Variants in CADM1 observed in about 807,000 individuals in gnomAD.
CADM1 encodes cell adhesion molecule 1.
In CADM1, 15 loss-of-function variants were observed where a neutral mutation model predicts 53.1. That is an observed-to-expected ratio of 0.28 (90% CI 0.19 to 0.44). The LOEUF (loss-of-function observed/expected upper bound fraction) is 0.44. Ranked by LOEUF, CADM1 falls within the 20% of genes least tolerant of loss-of-function variation. The pLI, the probability that CADM1 is intolerant of heterozygous loss-of-function variation, is 1.00. For missense variants in CADM1, 434 were observed against 611.3 expected (o/e 0.71, Z 3.06); for synonymous variants, 281 against 243.0 (o/e 1.16, Z -1.45).
intron 1 of CADM1, among the ~76,000 whole-genome samples, chr11:115,351,358 G>A (rs1487405924): frequency 1.3e-5 from 2 of 152,144 alleles, no homozygotes; most frequent in East Asian, 1.9e-4. Context: ...CGACAAATCT[G>A]ACAACAAAAG....
chr11:115,404,545 GAA>G (rs1292564962), intron 1 of CADM1, among the ~76,000 whole-genome samples: 2 of 148,152 alleles, frequency 1.3e-5, no homozygotes, highest in African/African-American at 5.0e-5. Flanking sequence ...AACCATAAAG[GAA>G]AAGATTGAGT....
chr11:115,494,031 T>A (rs1417051424), intron 1 of CADM1, among the ~76,000 whole-genome samples: 2 of 152,096 alleles, frequency 1.3e-5, no homozygotes, highest in Non-Finnish European at 2.9e-5. Flanking sequence ...CCCAGGAAAA[T>A]GTCTTTATTC....
Position 115,384,038 on chromosome 11 carries a change from G to A in CADM1, c.124+120233C>T, listed in dbSNP as rs761468268. Among the ~76,000 whole-genome samples the A allele has an allele frequency of 5.3e-5, 8 of 152,020 alleles. 1 individual carries two copies. The highest frequency in any genetic ancestry group is 4.1e-4 in the South Asian group (2 of 4,820). Reference sequence around the variant, plus strand: ...ACTGCCACTAAATCGGCAGACCAACGTGATGAGCACTGCCATCAATATGGC... The same window carrying A: ...ACTGCCACTAAATCGGCAGACCAACATGATGAGCACTGCCATCAATATGGC... On this transcript the variant is annotated intron_variant, in intron 1 of 11. Transcript: ENST00000331581.
intron 1 of CADM1, 63 bp downstream of exon 1, chr11:115,504,208 T>G: frequency 6.4e-7 from 1 of 1,552,070 alleles, no homozygotes; most frequent in African/African-American, 1.4e-5. Flanking sequence ...CCCCCCTCTG[T>G]GGCCAAGGCT....
intron 1 of CADM1, among the ~76,000 whole-genome samples, chr11:115,394,322 T>C (rs994274495): frequency 6.6e-6 from 1 of 152,228 alleles, no homozygotes; most frequent in East Asian, 1.9e-4. Context: ...ACTTTTCTTT[T>C]AAGCTCAAAT....
In CADM1 at chr11:115,209,655, G is replaced by A. The variant is rs768937947; in HGVS notation, c.997C>T (p.Pro333Ser). 1.2e-6 allele frequency: 2 copies of A among 1,612,418 alleles called. No homozygotes were observed. Among genetic ancestry groups the A allele is most frequent in the Admixed American group, 1.7e-5 (1 of 59,932 alleles). Residue 333 changes from proline (P) to serine (S), a missense_variant and splice_region_variant, in exon 8 of 12, where the codon CCC becomes TCC. Coordinates refer to ENST00000331581, the MANE Select transcript of CADM1 (RefSeq NM_001301043.2). ...HSDYMLYVYD[P>S]PTTIPPPTTT... is the part of the protein sequence containing the mutation. ...GTGGGAGGAGGGATAGTTGTGGGGG[G>A]ATCTGGATAGAAAAAAAAAGGAAAA...
intron 1 of CADM1, among the ~76,000 whole-genome samples, chr11:115,402,050 G>GAA (rs1228011729): frequency 6.6e-6 from 1 of 151,910 alleles, no homozygotes; most frequent in Non-Finnish European, 1.5e-5. Context: ...TAAAGTTAGA[G>GAA]AAAAGGCAGA....
At position 115,169,783 on chromosome 11, in the gene CADM1, C is replaced by T. The variant is rs145736682; in HGVS notation, c.*6691G>A. The T allele has an allele frequency of 3.1e-6, 1 of 320,076 alleles. No individual in the cohort carries two copies. Among genetic ancestry groups the T allele is most frequent in the African/African-American group, 2.1e-5 (1 of 46,644 alleles). 19.8% of individuals were successfully genotyped at this position (320,076 alleles called of 1,614,324 possible). ...AAACAGCTTTTGTGGATTAGCTAGA[C>T]TTGCACTTGCCAGCATCCATTGCAG... is the stretch of plus-strand genomic sequence containing the variant. On this transcript the variant is annotated 3_prime_UTR_variant, in exon 12 of 12. Transcript: ENST00000331581.
Position 115,206,487 on chromosome 11 carries a change from A to G in CADM1, c.1078+3087T>C, listed in dbSNP as rs181213973. On this transcript the variant is annotated intron_variant, in intron 8 of 11. Coordinates refer to ENST00000331581, the MANE Select transcript of CADM1 (RefSeq NM_001301043.2). ...GAAGGGTCTCCACGATGAAGCTTTAACATGTTTCAAGGAAGTCAGGCGACT... is the reference window on the plus strand; with the variant it reads ...GAAGGGTCTCCACGATGAAGCTTTAGCATGTTTCAAGGAAGTCAGGCGACT... Among the ~76,000 whole-genome samples, 6 of 152,294 alleles carry G rather than the reference A, an allele frequency of 3.9e-5. No homozygotes were observed. The East Asian group carries it at 1.2e-3, about 29-fold the overall frequency.
At chr11:115,390,639 C>T (rs151193736) in intron 1 of CADM1, among the ~76,000 whole-genome samples, 1 of 147,696 alleles carries the variant, frequency 6.8e-6, no homozygotes, top group Non-Finnish European at 1.5e-5. Flanking sequence ...AATAGGTTCC[C>T]GGAGTCACCA....
intron 5 of CADM1, among the ~76,000 whole-genome samples, chr11:115,228,247 C>T (rs1941687008): frequency 6.6e-6 from 1 of 152,110 alleles, no homozygotes; most frequent in Non-Finnish European, 1.5e-5. Context: ...TGGCCTAAAG[C>T]GTTGTAAGGA....
rs537738879 is a variant in CADM1 at position 115,230,338 on chromosome 11, C to G, written c.562+1015G>C. On this transcript the variant is annotated intron_variant, in intron 4 of 11. Transcript: ENST00000331581. ...CTTTGGCCCAAGTATTAGCTAAATA[C>G]TTTACAACTATTCCCTCTTTTCATC... is the stretch of plus-strand genomic sequence containing the variant. 1.4e-4 allele frequency among the ~76,000 whole-genome samples: 22 copies of G among 152,298 alleles called. No homozygotes were observed. The South Asian group carries it at 2.1e-3, about 14-fold the overall frequency.
At chr11:115,426,587 T>C (rs1237502872) in intron 1 of CADM1, among the ~76,000 whole-genome samples, 1 of 152,170 alleles carries the variant, frequency 6.6e-6, no homozygotes, top group Non-Finnish European at 1.5e-5. Flanking sequence ...GAAACACCTG[T>C]GGCTGGAGAA....
intron 1 of CADM1, among the ~76,000 whole-genome samples, chr11:115,501,115 C>T (rs1157860383): frequency 6.6e-6 from 1 of 152,154 alleles, no homozygotes; most frequent in Non-Finnish European, 1.5e-5. Flanking sequence ...TCTCTTGTTC[C>T]TCCAAAACGT....
rs569212371 is a variant in CADM1 at position 115,387,258 on chromosome 11, T to C, written c.124+117013A>G. On this transcript the variant is annotated intron_variant, in intron 1 of 11. Coordinates refer to ENST00000331581, the MANE Select transcript of CADM1 (RefSeq NM_001301043.2). ...ATTTGCTATAAATAAATGACCAACT[T>C]CTAGCAGTAATACATGTCTCAGTAT... Among the ~76,000 whole-genome samples the C allele has an allele frequency of 3.3e-5, 5 of 152,304 alleles. No homozygotes were observed. In the South Asian group the frequency reaches 1.0e-3, roughly 32 times the overall value.
chr11:115,226,587 T>C (rs1440785216), intron 5 of CADM1, among the ~76,000 whole-genome samples: 3 of 152,298 alleles, frequency 2.0e-5, no homozygotes, highest in African/African-American at 7.2e-5. Flanking sequence ...GAATAAATTA[T>C]TCTAGGAATC....
At chr11:115,409,821 C>T (rs1275980092) in intron 1 of CADM1, among the ~76,000 whole-genome samples, 1 of 152,072 alleles carries the variant, frequency 6.6e-6, no homozygotes, top group African/African-American at 2.4e-5. Flanking sequence ...AAAGTCCAAA[C>T]CCAACAGTTG....
Position 115,218,008 on chromosome 11 carries a change from C to G in CADM1, c.722-17G>C. On this transcript the variant is annotated splice_polypyrimidine_tract_variant and intron_variant, in intron 5 of 11. Transcript: ENST00000331581. ...GAGGCTTATCTGTGTGACAAAAACACAAAGTATAATGTTTAGCAAATGATA... is the reference window on the plus strand; with the variant it reads ...GAGGCTTATCTGTGTGACAAAAACAGAAAGTATAATGTTTAGCAAATGATA... 1 of 1,572,674 alleles carries G rather than the reference C, an allele frequency of 6.4e-7. No individual in the cohort carries two copies. The highest frequency in any genetic ancestry group is 1.1e-5 in the South Asian group (1 of 90,226).
intron 1 of CADM1, among the ~76,000 whole-genome samples, chr11:115,382,140 T>C (rs1205487580): frequency 2.0e-5 from 3 of 152,166 alleles, no homozygotes; most frequent in Non-Finnish European, 4.4e-5. Flanking sequence ...CCACCGTGTG[T>C]GGCAATAATT....
Sources: gnomAD v4.1 joint callset for allele counts (sites outside exome capture counted in the v4.1 genomes callset) on GRCh38, gnomAD v4.1.1 for gene constraint, MANE v1.5 for transcripts, NCBI Gene and HGNC (gene_info 2026-07-23, HGNC 2026-07-21) for gene names.